KRT85: variants seen among roughly 807,000 people sequenced by gnomAD.
The protein encoded by KRT85 is keratin, type II cuticular Hb5.
A neutral mutation model predicts 53.7 loss-of-function variants in KRT85; 39 were observed. The observed-to-expected ratio is 0.73, with a 90% CI of 0.56 to 0.95. The LOEUF (loss-of-function observed/expected upper bound fraction) is 0.95. Among genes scored for constraint, KRT85 ranks in the 40% least tolerant of loss-of-function variants. The probability of loss-of-function intolerance (pLI) is 0.00; values close to 1 mark genes in which losing one functional copy is unlikely to be tolerated. For missense variants in KRT85, 668 were observed against 686.0 expected (o/e 0.97, Z 0.29); for synonymous variants, 291 against 277.5 (o/e 1.05, Z -0.48).
chr12:52,362,799 G>T, intron 6 of KRT85, 55 bp downstream of exon 6: 1 of 1,613,872 alleles, frequency 6.2e-7, no homozygotes, highest in South Asian at 1.1e-5. Context: ...GCCTGATTAG[G>T]GCCAGGTGCT....
At position 52,367,033 on chromosome 12, in the gene KRT85, CCTT is replaced by C. The variant is rs768901286; in HGVS notation, c.370_372del (p.Lys124del). ...CTGCTGTTGAGGGACTTGATCTGCT[CCTT>C]CTCCTCCTGCTTCACGCACTGTGCG... On this transcript the variant is annotated inframe_deletion, in exon 1 of 9. Transcript: ENST00000257901. 1 of 1,613,866 alleles carries C rather than the reference CCTT, an allele frequency of 6.2e-7. No homozygotes were observed. The highest frequency in any genetic ancestry group is 1.3e-5 in the African/African-American group (1 of 75,036).
In KRT85 at chr12:52,367,070, G is replaced by T. The variant is rs758855289; in HGVS notation, c.336C>A (p.Ile112=). ...GCTTCACGCACTGTGCGTTGGGGTCGATCTCCAGGTTGAGGGGCGTGAGGA... is the reference window on the plus strand; with the variant it reads ...GCTTCACGCACTGTGCGTTGGGGTCTATCTCCAGGTTGAGGGGCGTGAGGA... ...ESLLTPLNLE[I]DPNAQCVKQE... is the part of the protein sequence containing the mutation. The change falls in exon 1 of 9, where the codon ATC becomes ATA. Residue 112 remains isoleucine, a synonymous_variant. Coordinates refer to ENST00000257901, the MANE Select transcript of KRT85 (RefSeq NM_002283.4). 2 of 1,613,592 alleles carry T rather than the reference G, an allele frequency of 1.2e-6. No individual in the cohort carries two copies. Among genetic ancestry groups the T allele is most frequent in the Non-Finnish European group, 1.7e-6 (2 of 1,179,886 alleles).
Position 52,360,639 on chromosome 12 carries a change from A to C in KRT85, c.*214T>G, listed in dbSNP as rs1391588305. 1.6e-6 allele frequency: 1 copy of C among 607,530 alleles called. No homozygotes were observed. Among genetic ancestry groups the C allele is most frequent in the East Asian group, 2.8e-5 (1 of 36,144 alleles). 37.6% of individuals were successfully genotyped at this position (607,530 alleles called of 1,614,324 possible). A position where few individuals can be genotyped will look rare whatever the true frequency, so the allele number is the denominator to read the frequency against. On this transcript the variant is annotated 3_prime_UTR_variant, in exon 9 of 9. Transcript: ENST00000257901. ...AAGTGAAGGGCTGGGAATGCCTCTG[A>C]AAACAGCTGCCAGGAGGACAACTAG... is the stretch of plus-strand genomic sequence containing the variant.
At chr12:52,361,384 G>A (rs1034353462) in intron 8 of KRT85, 83 bp downstream of exon 8, 11 of 1,281,228 alleles carry the variant, frequency 8.6e-6, no homozygotes, top group African/African-American at 1.5e-5. Context: ...GGGAACACTC[G>A]AGGCTCCATG....
Position 52,364,077 on chromosome 12 carries a change from GA to G in KRT85, c.776del (p.Leu259ProfsTer19), listed in dbSNP as rs750778939. 1 of 1,613,460 alleles carries G rather than the reference GA, an allele frequency of 6.2e-7. No individual in the cohort carries two copies. Among genetic ancestry groups the G allele is most frequent in the African/African-American group, 1.3e-5 (1 of 74,892 alleles). ...LVEESSFLRR[L>X]YEEEIRVLQA... ...GCAGTTGCCCCCTTACCTCTTCATA[GA>G]GGCGCCTCAGGAAGCTAGACTCCTC... On this transcript the variant is annotated frameshift_variant, in exon 4 of 9. Transcript: ENST00000257901. LOFTEE classifies it high-confidence loss of function.
At chr12:52,363,936 T>A in intron 4 of KRT85, 132 bp downstream of exon 4, 6 of 797,950 alleles carry the variant, frequency 7.5e-6, no homozygotes, top group Non-Finnish European at 1.1e-5. Context: ...CCAGCACGTA[T>A]GTGCAAGCTC....
At position 52,362,295 on chromosome 12, in the gene KRT85, G is replaced by A. The variant is rs371150354; in HGVS notation, c.1254C>T (p.Ile418=). 4.3e-6 allele frequency: 7 copies of A among 1,614,164 alleles called. No homozygotes were observed. Among genetic ancestry groups the A allele is most frequent in the African/African-American group, 2.7e-5 (2 of 75,058 alleles). ...EVMNSKLGLD[I]EIATYRRLLE... ...GCAGGCGCCTGTAGGTGGCGATCTCGATGTCCAGGCCCAGCTTGGAGTTCA... is the reference window on the plus strand; with the variant it reads ...GCAGGCGCCTGTAGGTGGCGATCTCAATGTCCAGGCCCAGCTTGGAGTTCA... Residue 418 remains isoleucine, a synonymous_variant, in exon 7 of 9, where the codon ATC becomes ATT. Transcript: ENST00000257901.
chr12:52,365,245 C>A, intron 1 of KRT85, 75 bp from the exon 2 acceptor site: 3 of 1,500,838 alleles, frequency 2.0e-6, no homozygotes, highest in Admixed American at 3.6e-5. Context: ...TCTCTCTGCC[C>A]TCGGGTGCTG....
intron 2 of KRT85, chr12:52,364,751 C>A: frequency 1.5e-6 from 2 of 1,369,514 alleles, no homozygotes; most frequent in Non-Finnish European, 2.0e-6. Context: ...CTCTTCATTC[C>A]CCCAGAAGTA....
chr12:52,363,523 T>C, intron 4 of KRT85, 113 bp from the exon 5 acceptor site: 2 of 1,144,092 alleles, frequency 1.7e-6, no homozygotes, highest in Non-Finnish European at 2.6e-6. Context: ...GAAGGTTACA[T>C]GACTCCTGCT....
chr12:52,363,467 C>A, intron 4 of KRT85, 57 bp from the exon 5 acceptor site: 1 of 1,597,698 alleles, frequency 6.3e-7, no homozygotes, highest in Non-Finnish European at 8.6e-7. Context: ...GCCACGTGAT[C>A]CACCCCAGGG....
rs908761590 is a variant in KRT85 at position 52,360,700 on chromosome 12, C to T, written c.*153G>A. ...CCTAGCATGAAAAGGCGCAGGGGAG[C>T]GGCCCGAGGGTCTTTCCCTCTGTAG... is the stretch of plus-strand genomic sequence containing the variant. On this transcript the variant is annotated 3_prime_UTR_variant, in exon 9 of 9. Transcript: ENST00000257901. 3.8e-5 allele frequency: 31 copies of T among 823,544 alleles called. No homozygotes were observed. The highest frequency in any genetic ancestry group is 3.5e-4 in the Middle Eastern group (1 of 2,826). The allele number at this position is 823,544 out of a possible 1,614,324, so 51.0% of individuals were successfully genotyped here. A position where few individuals can be genotyped will look rare whatever the true frequency, so the allele number is the denominator to read the frequency against.
chr12:52,364,933 C>T (rs1565769177), intron 2 of KRT85, 29 bp downstream of exon 2: 5 of 1,612,036 alleles, frequency 3.1e-6, no homozygotes, highest in Admixed American at 1.7e-5. Context: ...CTGAGTTTCC[C>T]CTGAGTCCCC....
chr12:52,367,172 G>A lies in KRT85; in HGVS notation c.234C>T (p.Arg78=). ...CGCCCCCGGAGCGGTAGCCGAAGCTGCGTCCGCAGGAGCCGGCTCGGAAGC... is the reference window on the plus strand; with the variant it reads ...CGCCCCCGGAGCGGTAGCCGAAGCTACGTCCGCAGGAGCCGGCTCGGAAGC... The part of the protein sequence containing the change: ...VGGFRAGSCG[R]SFGYRSGGVC... The change falls in exon 1 of 9, where the codon CGC becomes CGT. Residue 78 remains arginine, a synonymous_variant. Transcript: ENST00000257901. The A allele has an allele frequency of 6.2e-7, 1 of 1,613,796 alleles. No individual in the cohort carries two copies. Among genetic ancestry groups the A allele is most frequent in the East Asian group, 2.2e-5 (1 of 44,888 alleles).
rs749177362 is a variant in KRT85 at position 52,367,110 on chromosome 12, G to C, written c.296C>G (p.Ser99Trp). The C allele has an allele frequency of 6.2e-7, 1 of 1,613,318 alleles. No individual in the cohort carries two copies. Among genetic ancestry groups the C allele is most frequent in the South Asian group, 1.1e-5 (1 of 91,052 alleles). The change falls in exon 1 of 9, where the codon TCG becomes TGG. Residue 99 changes from serine (S) to tryptophan (W), a missense_variant. Around this residue, in one of 3 missense-constraint regions of KRT85, gnomAD observed 158 missense variants for 141.8 expected, o/e 1.11. Coordinates refer to ENST00000257901, the MANE Select transcript of KRT85 (RefSeq NM_002283.4). ...GPSPPCITTV[S>W]VNESLLTPLN... Reference sequence around the variant, plus strand: ...GGGCGTGAGGAGGCTCTCGTTGACCGACACGGTAGTGATGCATGGGGGGCT... The same window carrying C: ...GGGCGTGAGGAGGCTCTCGTTGACCCACACGGTAGTGATGCATGGGGGGCT...
Position 52,360,461 on chromosome 12 carries a change from T to G in KRT85, c.*392A>C. Reference sequence around the variant, plus strand: ...AGGGACTTTCTCCCTGATTCTCGGGTTGTGGGTGGCCTGGCTGGATGGTTA... The same window carrying G: ...AGGGACTTTCTCCCTGATTCTCGGGGTGTGGGTGGCCTGGCTGGATGGTTA... On this transcript the variant is annotated 3_prime_UTR_variant, in exon 9 of 9. Coordinates refer to ENST00000257901, the MANE Select transcript of KRT85 (RefSeq NM_002283.4). 1 of 253,202 alleles carries G rather than the reference T, an allele frequency of 3.9e-6. No individual in the cohort carries two copies. The highest frequency in any genetic ancestry group is 7.7e-6 in the Non-Finnish European group (1 of 129,456). 15.7% of individuals were successfully genotyped at this position (253,202 alleles called of 1,614,324 possible). A position where few individuals can be genotyped will look rare whatever the true frequency, so the allele number is the denominator to read the frequency against.
In KRT85 at chr12:52,367,407, G is replaced by A; in HGVS notation, c.-2C>T. On this transcript the variant is annotated 5_prime_UTR_variant, in exon 1 of 9. It adds an upstream start codon to the 5' untranslated region. Transcript: ENST00000257901. Reference sequence around the variant, plus strand: ...GATCCTGTAGGAGCGGCACGACATCGTGTGAGGCTGAGCAGAGTCTGAGAG... The same window carrying A: ...GATCCTGTAGGAGCGGCACGACATCATGTGAGGCTGAGCAGAGTCTGAGAG... 1.9e-6 allele frequency: 3 copies of A among 1,614,024 alleles called. No individual in the cohort carries two copies. The highest frequency in any genetic ancestry group is 1.1e-5 in the South Asian group (1 of 91,072).
intron 5 of KRT85, 119 bp downstream of exon 5, chr12:52,363,127 G>A (rs1939219110): frequency 6.4e-7 from 1 of 1,552,102 alleles, no homozygotes; most frequent in African/African-American, 1.4e-5. Flanking sequence ...GAGAACTACT[G>A]GCTTTTCTCA....
chr12:52,360,878 C>T lies in KRT85; in HGVS notation c.1499G>A (p.Ser500Asn). 2 of 1,611,314 alleles carry T rather than the reference C, an allele frequency of 1.2e-6. No homozygotes were observed. Among genetic ancestry groups the T allele is most frequent in the Non-Finnish European group, 1.7e-6 (2 of 1,179,880 alleles). The part of the protein sequence containing the change: ...QPRSSSFSCG[S>N]SRSVRFA The stretch of plus-strand genomic sequence containing the variant: ...CTAGGCAAAGCGGACCGACCGGCTA[C>T]TCCCGCAGCTGAAGCTGGAGGAACG... Residue 500 changes from serine (S) to asparagine (N), a missense_variant, in exon 9 of 9, where the codon AGT becomes AAT. Coordinates refer to ENST00000257901, the MANE Select transcript of KRT85 (RefSeq NM_002283.4).
Sources: gnomAD v4.1 joint callset for allele counts on GRCh38, gnomAD v4.1.1 for gene constraint, gnomAD v4.1.1 regional missense constraint, MANE v1.5 for transcripts, NCBI Gene and HGNC (gene_info 2026-07-23, HGNC 2026-07-21) for gene names.